Variants in SLC9C2 observed in about 807,000 individuals in gnomAD.
SLC9C2 encodes solute carrier family 9 member C2 (putative).
A neutral mutation model predicts 140.2 loss-of-function variants in SLC9C2; 75 were observed. That is an observed-to-expected ratio of 0.53 (90% CI 0.44 to 0.65). The LOEUF is 0.65. SLC9C2 is among the 30% of genes least tolerant of loss of function. The pLI is 0.00. For synonymous variants in SLC9C2, 375 were observed against 420.9 expected, an observed-to-expected ratio of 0.89 and a Z score of 1.34; for missense variants, 1,074 against 1,331.8, an observed-to-expected ratio of 0.81 and a Z score of 3.01.
At chr1:173,592,983 T>A (rs1252818411) in intron 4 of SLC9C2, among the ~76,000 whole-genome samples, 1 of 152,138 alleles carries the variant, frequency 6.6e-6, no homozygotes, top group Non-Finnish European at 1.5e-5. Flanking sequence ...CAAACTAAAC[T>A]TCCTAAGCAA....
rs369776717 is a variant in SLC9C2 at position 173,601,823 on chromosome 1, T to G, written c.-47A>C. ...GACCTAACTTGATGGAGTGGTTTGG[T>G]TATTATTGACACTTTCACTTCTGCA... On this transcript the variant is annotated 5_prime_UTR_variant, in exon 2 of 28. Coordinates refer to ENST00000367714, the MANE Select transcript of SLC9C2 (RefSeq NM_178527.4). 1 of 1,608,208 alleles carries G rather than the reference T, an allele frequency of 6.2e-7. No homozygotes were observed. The highest frequency in any genetic ancestry group is 1.1e-5 in the South Asian group (1 of 90,074).
intron 9 of SLC9C2, among the ~76,000 whole-genome samples, chr1:173,563,014 C>G (rs551878054): frequency 6.6e-6 from 1 of 151,818 alleles, no homozygotes; most frequent in South Asian, 2.1e-4. Flanking sequence ...CTGGTGGAGG[C>G]GGACAGCAGG....
chr1:173,520,289 A>G (rs951358850), intron 22 of SLC9C2, among the ~76,000 whole-genome samples: 3 of 152,142 alleles, frequency 2.0e-5, no homozygotes, highest in African/African-American at 7.2e-5. Flanking sequence ...GCTGGTCTCA[A>G]ACTCCTGCCT....
At chr1:173,536,130 G>A (rs1434053870) in intron 14 of SLC9C2, among the ~76,000 whole-genome samples, 181 bp from the exon 15 acceptor site, 1 of 152,156 alleles carries the variant, frequency 6.6e-6, no homozygotes, top group Non-Finnish European at 1.5e-5. Flanking sequence ...AGTAGTTTTA[G>A]CATGAGACTC....
intron 21 of SLC9C2, 92 bp downstream of exon 21, chr1:173,523,877 G>C (rs1661004440): frequency 6.6e-7 from 1 of 1,504,478 alleles, no homozygotes; most frequent in Non-Finnish European, 8.9e-7. Context: ...GCCAGTATGT[G>C]ATATGCTTTT....
At chr1:173,549,452 A>G (rs1485228380) in intron 11 of SLC9C2, among the ~76,000 whole-genome samples, 1 of 152,198 alleles carries the variant, frequency 6.6e-6, no homozygotes, top group Non-Finnish European at 1.5e-5. Flanking sequence ...AAATGTATTC[A>G]TTTGCCCAAT....
chr1:173,592,768 G>A (rs747814012), intron 4 of SLC9C2, among the ~76,000 whole-genome samples: 4 of 152,146 alleles, frequency 2.6e-5, no homozygotes, highest in Non-Finnish European at 5.9e-5. Context: ...AGATTATGGG[G>A]TTTTCTAGAT....
intron 24 of SLC9C2, among the ~76,000 whole-genome samples, 160 bp downstream of exon 24, chr1:173,509,408 G>C (rs1659879507): frequency 6.6e-6 from 1 of 150,608 alleles, no homozygotes; most frequent in Non-Finnish European, 1.5e-5. Flanking sequence ...CTGCACCATT[G>C]CACTCCAGCC....
At chr1:173,520,975 G>C (rs931092776) in intron 22 of SLC9C2, among the ~76,000 whole-genome samples, 1 of 152,104 alleles carries the variant, frequency 6.6e-6, no homozygotes, top group Non-Finnish European at 1.5e-5. Context: ...ATTAAAAGCT[G>C]TATTTTTGAT....
intron 25 of SLC9C2, among the ~76,000 whole-genome samples, chr1:173,506,614 G>T (rs915966463): frequency 6.6e-6 from 1 of 152,188 alleles, no homozygotes; most frequent in African/African-American, 2.4e-5. Context: ...CCAGGGCAAA[G>T]GGCGTGGCAA....
chr1:173,587,552 AG>A (rs1025416782), intron 5 of SLC9C2, 112 bp downstream of exon 5: 1 of 1,052,328 alleles, frequency 9.5e-7, no homozygotes. Flanking sequence ...TGAAAAAAAA[AG>A]CACAGAGTCT....
chr1:173,542,718 T>C, intron 13 of SLC9C2, among the ~76,000 whole-genome samples: 1 of 152,104 alleles, frequency 6.6e-6, no homozygotes, highest in East Asian at 1.9e-4. Context: ...TGCAAATCAA[T>C]AAACGTAATC....
intron 9 of SLC9C2, among the ~76,000 whole-genome samples, chr1:173,567,482 T>C (rs1476905766): frequency 1.3e-5 from 2 of 152,138 alleles, no homozygotes; most frequent in African/African-American, 4.8e-5. Context: ...CTACTCTTGC[T>C]CTTTTTTGGT....
intron 23 of SLC9C2, among the ~76,000 whole-genome samples, chr1:173,515,910 G>C (rs1660383622): frequency 6.6e-6 from 1 of 152,162 alleles, no homozygotes; most frequent in African/African-American, 2.4e-5. Flanking sequence ...GCAATGATCA[G>C]GTCCTTCTTC....
At chr1:173,509,471 T>C in intron 24 of SLC9C2, 97 bp downstream of exon 24, 1 of 1,210,362 alleles carries the variant, frequency 8.3e-7, no homozygotes, top group South Asian at 1.6e-5. Flanking sequence ...AAACACAAAT[T>C]TCCTTTCTAT....
intron 9 of SLC9C2, among the ~76,000 whole-genome samples, chr1:173,570,720 T>G (rs780533117): frequency 1.4e-4 from 22 of 152,140 alleles, no homozygotes; most frequent in Non-Finnish European, 2.8e-4. Flanking sequence ...AATGGGTGCT[T>G]CCCCTCTGGC....
chr1:173,539,703 T>G (rs1001596518), intron 13 of SLC9C2, among the ~76,000 whole-genome samples: 6 of 152,158 alleles, frequency 3.9e-5, no homozygotes, highest in Non-Finnish European at 8.8e-5. Flanking sequence ...CAGAGTTAAT[T>G]GTCCTGAGGT....
rs758556226 is a variant in SLC9C2 at position 173,517,517 on chromosome 1, T to A, written c.2907+20A>T. 10 of 1,580,538 alleles carry A rather than the reference T, an allele frequency of 6.3e-6. No homozygotes were observed. The South Asian group carries it at 1.2e-4, about 19-fold the overall frequency. On this transcript the variant is annotated intron_variant, in intron 23 of 27. Coordinates refer to ENST00000367714, the MANE Select transcript of SLC9C2 (RefSeq NM_178527.4). ...TACTTGAAGAATAATTAATAACTCATGACAGAACCATTTTCCTACCTGTAA... is the reference window on the plus strand; with the variant it reads ...TACTTGAAGAATAATTAATAACTCAAGACAGAACCATTTTCCTACCTGTAA...
At chr1:173,505,912 AC>A (rs1158930582) in intron 25 of SLC9C2, among the ~76,000 whole-genome samples, 4 of 149,418 alleles carry the variant, frequency 2.7e-5, no homozygotes, top group Non-Finnish European at 6.0e-5. Context: ...ACAAGTAGGC[AC>A]AGGGATCAAG....
Sources: allele counts gnomAD v4.1 joint callset (sites outside exome capture counted in the v4.1 genomes callset), GRCh38; gene constraint gnomAD v4.1.1; transcripts MANE v1.5; gene names NCBI Gene and HGNC (gene_info 2026-07-23, HGNC 2026-07-21).